Variants in BCL2A1 observed in about 807,000 individuals in gnomAD.
BCL2A1 encodes bcl-2-related protein A1.
BCL2A1 carries 10 observed loss-of-function variants against 14.4 expected under a neutral mutation model. That is an observed-to-expected ratio of 0.69 (90% CI 0.43 to 1.18). The LOEUF (loss-of-function observed/expected upper bound fraction) is 1.18. Among genes scored for constraint, BCL2A1 ranks in the 50% most tolerant of loss-of-function variants. The pLI, the probability that BCL2A1 is intolerant of heterozygous loss-of-function variation, is 0.00. For missense variants in BCL2A1, 158 were observed against 205.0 expected (o/e 0.77, Z 1.40); for synonymous variants, 71 against 76.5 (o/e 0.93, Z 0.38).
chr15:79,967,503 A>T, intron 1 of BCL2A1: 1 of 978,462 alleles, frequency 1.0e-6, no homozygotes, highest in Non-Finnish European at 1.5e-6. Context: ...GGCATGAGCC[A>T]CTGCACCCGG....
chr15:79,970,753 C>CA lies in BCL2A1; in HGVS notation c.366dup (p.Ala123CysfsTer7), dbSNP rs1453746556. 6.2e-7 allele frequency: 1 copy of CA among 1,614,122 alleles called. No homozygotes were observed. Among genetic ancestry groups the CA allele is most frequent in the Non-Finnish European group, 8.5e-7 (1 of 1,179,986 alleles). On this transcript the variant is annotated frameshift_variant, in exon 1 of 2. Coordinates refer to ENST00000267953, the MANE Select transcript of BCL2A1 (RefSeq NM_004049.4). LOFTEE classifies it high-confidence loss of function. Reference sequence around the variant, plus strand: ...CCTGTGTTATTCATTATGAACTCCGCAACAAAATATGAAATCTCCTTATAG... The same window carrying CA: ...CCTGTGTTATTCATTATGAACTCCGCAAACAAAATATGAAATCTCCTTATAG...
chr15:79,970,876 C>T lies in BCL2A1; in HGVS notation c.244G>A (p.Gly82Ser), dbSNP rs763690382. 6.2e-6 allele frequency: 10 copies of T among 1,614,072 alleles called. No individual in the cohort carries two copies. The South Asian group carries it at 7.7e-5, about 12-fold the overall frequency. The change falls in exon 1 of 2, where the codon GGC (glycine) becomes AGC (serine). Residue 82 changes from glycine (G) to serine (S), a missense_variant. Physicochemically the swap from Gly to Ser is moderately conservative, Grantham distance 56 (BLOSUM62 0). Coordinates refer to ENST00000267953, the MANE Select transcript of BCL2A1 (RefSeq NM_004049.4). ...NQVMEKEFEDGIINWGRIVTI... is the reference protein window; with the variant it reads ...NQVMEKEFEDSIINWGRIVTI... ...ACAATTCTTCCCCAGTTAATGATGC[C>T]GTCTTCAAACTCCTTTTCCATCACT...
rs1365958314 is a variant in BCL2A1, at chr15:79,961,146, G to C, written c.449C>G (p.Pro150Arg). Residue 150 changes from proline to arginine, a missense_variant, in exon 2 of 2, where the codon CCT becomes CGT. Physicochemically the swap from Pro to Arg is moderately radical, Grantham distance 103. Coordinates refer to ENST00000267953, the MANE Select transcript of BCL2A1 (RefSeq NM_004049.4). ...WENGFVKKFE[P>R]KSGWMTFLEV... is the part of the protein sequence containing the mutation. ...TAGAAAAGTCATCCAGCCAGATTTA[G>C]GTTCAAACTTCTTTACAAAGCCATT... 6.2e-7 allele frequency: 1 copy of C among 1,613,680 alleles called. No homozygotes were observed. Among genetic ancestry groups the C allele is most frequent in the Non-Finnish European group, 8.5e-7 (1 of 1,179,852 alleles).
chr15:79,968,354 A>T (rs886564071), intron 1 of BCL2A1, among the ~76,000 whole-genome samples: 6 of 152,162 alleles, frequency 3.9e-5, no homozygotes, highest in African/African-American at 1.4e-4. Flanking sequence ...ACCAGTCCTC[A>T]AGTATAGCCT....
intron 1 of BCL2A1, among the ~76,000 whole-genome samples, chr15:79,965,536 A>T (rs889901231): frequency 8.5e-5 from 13 of 152,108 alleles, no homozygotes; most frequent in Non-Finnish European, 1.5e-4. Context: ...GTCAAGTGAG[A>T]GAGGAAGGCG....
In BCL2A1 at chr15:79,961,013, C is replaced by T. The variant is rs1337666422; in HGVS notation, c.*54G>A. On this transcript the variant is annotated 3_prime_UTR_variant, in exon 2 of 2. Coordinates refer to ENST00000267953, the MANE Select transcript of BCL2A1 (RefSeq NM_004049.4). The stretch of plus-strand genomic sequence containing the variant: ...TAGAAGTATGTGTTGGCAATCGTTT[C>T]CATATCAGTCAGAAAAATTAGGCCG... 3.7e-6 allele frequency: 6 copies of T among 1,606,242 alleles called. No homozygotes were observed. The African/African-American group carries it at 6.7e-5, about 18-fold the overall frequency.
chr15:79,967,436 GA>G (rs1204175724), intron 1 of BCL2A1, among the ~76,000 whole-genome samples: 1 of 152,000 alleles, frequency 6.6e-6, no homozygotes, highest in Non-Finnish European at 1.5e-5. Flanking sequence ...GGCTGCTCTT[GA>G]ACTCCTGACC....
chr15:79,966,303 G>C (rs746655865), intron 1 of BCL2A1, among the ~76,000 whole-genome samples: 6 of 152,082 alleles, frequency 3.9e-5, no homozygotes, highest in Non-Finnish European at 5.9e-5. Flanking sequence ...GAGTACCTCA[G>C]TAATTTACCC....
intron 1 of BCL2A1, among the ~76,000 whole-genome samples, chr15:79,965,253 A>G (rs1433365600): frequency 6.6e-6 from 1 of 152,044 alleles, no homozygotes; most frequent in African/African-American, 2.4e-5. Context: ...TCAGCCTACC[A>G]AGTAGCTGGG....
At chr15:79,961,222 A>G in intron 1 of BCL2A1, 48 bp from the exon 2 acceptor site, 2 of 1,560,926 alleles carry the variant, frequency 1.3e-6, no homozygotes, top group Non-Finnish European at 1.8e-6. Context: ...GAGATTAAGT[A>G]TGCTGGAATA....
At chr15:79,969,174 C>T (rs2035571335) in intron 1 of BCL2A1, among the ~76,000 whole-genome samples, 1 of 151,736 alleles carries the variant, frequency 6.6e-6, no homozygotes, top group Non-Finnish European at 1.5e-5. Flanking sequence ...TATTTTTAGC[C>T]CAACAAATTA....
At position 79,970,716 on chromosome 15, in the gene BCL2A1, C is replaced by T; in HGVS notation, c.404G>A (p.Arg135Lys). ...CACACATACCCAGCCTCCGTTTTGC[C>T]TTATCCATTCTCCTGTGTTATTCAT... ...FIMNNTGEWIRQNGGWENGFV... is the reference protein window; with the variant it reads ...FIMNNTGEWIKQNGGWENGFV... Residue 135 changes from arginine to lysine, a missense_variant, in exon 1 of 2, where the codon AGG (arginine) becomes AAG (lysine). Coordinates refer to ENST00000267953, the MANE Select transcript of BCL2A1 (RefSeq NM_004049.4). 6.2e-7 allele frequency: 1 copy of T among 1,605,026 alleles called. No homozygotes were observed. Among genetic ancestry groups the T allele is most frequent in the Non-Finnish European group, 8.5e-7 (1 of 1,172,878 alleles).
At chr15:79,964,492 A>G (rs1196761968) in intron 1 of BCL2A1, among the ~76,000 whole-genome samples, 3 of 152,088 alleles carry the variant, frequency 2.0e-5, no homozygotes, top group African/African-American at 7.2e-5. Context: ...CAAACAAAAT[A>G]CACGCAAACA....
intron 1 of BCL2A1, chr15:79,967,613 TGTAA>T (rs72401180): frequency 0.22 from 337,448 of 1,548,320 alleles, 44,036 homozygotes; most frequent in South Asian, 0.32. Flanking sequence ...TTGATAAAGC[TGTAA>T]GTGCCTTCTC....
At chr15:79,967,422 G>A (rs2035552789) in intron 1 of BCL2A1, among the ~76,000 whole-genome samples, 1 of 152,024 alleles carries the variant, frequency 6.6e-6, no homozygotes, top group Non-Finnish European at 1.5e-5. Flanking sequence ...TACCATCTTA[G>A]CTAGGCTGCT....
chr15:79,970,751 C>T lies in BCL2A1; in HGVS notation c.369G>A (p.Ala123=), dbSNP rs372176161. The change falls in exon 1 of 2, where the codon GCG becomes GCA. Residue 123 remains alanine (A), a synonymous_variant. Transcript: ENST00000267953. ...DTYKEISYFV[A]EFIMNNTGEW... Reference sequence around the variant, plus strand: ...CTCCTGTGTTATTCATTATGAACTCCGCAACAAAATATGAAATCTCCTTAT... The same window carrying T: ...CTCCTGTGTTATTCATTATGAACTCTGCAACAAAATATGAAATCTCCTTAT... 69 of 1,613,940 alleles carry T rather than the reference C, an allele frequency of 4.3e-5. No individual in the cohort carries two copies. Among genetic ancestry groups the T allele is most frequent in the Non-Finnish European group, 5.2e-5 (61 of 1,179,984 alleles).
At chr15:79,966,911 A>ATTACTGATAG (rs2035546923) in intron 1 of BCL2A1, among the ~76,000 whole-genome samples, 1 of 116,332 alleles carries the variant, frequency 8.6e-6, no homozygotes, top group Admixed American at 1.1e-4. Flanking sequence ...TTACTGATAG[A>ATTACTGATAG]CCAGTCTCGT....
intron 1 of BCL2A1, among the ~76,000 whole-genome samples, chr15:79,968,613 A>G (rs2035566060): frequency 6.6e-6 from 1 of 152,248 alleles, no homozygotes; most frequent in Non-Finnish European, 1.5e-5. Flanking sequence ...AGCGTTAATC[A>G]GCAAACTAAA....
At chr15:79,963,897 G>A (rs996300675) in intron 1 of BCL2A1, among the ~76,000 whole-genome samples, 3 of 152,132 alleles carry the variant, frequency 2.0e-5, no homozygotes, top group African/African-American at 7.2e-5. Context: ...GTAGACATTA[G>A]AAATTAATGC....
Sources: allele counts gnomAD v4.1 joint callset (sites outside exome capture counted in the v4.1 genomes callset), GRCh38; gene constraint gnomAD v4.1.1; transcripts MANE v1.5; gene names NCBI Gene and HGNC (gene_info 2026-07-23, HGNC 2026-07-21).